CLTCL1: variants seen among roughly 807,000 people sequenced by gnomAD.
CLTCL1 encodes clathrin heavy chain like 1.
Under a neutral mutation model 190.0 loss-of-function variants are expected in CLTCL1, and 159 were observed. The observed-to-expected ratio is 0.84, with a 90% CI of 0.74 to 0.95. The LOEUF (loss-of-function observed/expected upper bound fraction) is 0.95, where lower values mean the gene tolerates loss of function less well. Ranked by LOEUF, CLTCL1 falls within the 40% of genes least tolerant of loss-of-function variation. The probability of loss-of-function intolerance (pLI) is 0.00; values close to 1 mark genes in which losing one functional copy is unlikely to be tolerated. For synonymous variants in CLTCL1, 752 were observed against 769.6 expected (o/e 0.98, Z 0.38); for missense variants, 1,878 against 2,033.4 (o/e 0.92, Z 1.47).
intron 21 of CLTCL1, 93 bp downstream of exon 21, chr22:19,208,829 C>T (rs965174322): frequency 2.3e-5 from 24 of 1,026,442 alleles, no homozygotes; most frequent in Middle Eastern, 3.2e-4. Flanking sequence ...ATACATCATA[C>T]GTAGAGATTT....
At chr22:19,196,799 T>C (rs994894562) in intron 24 of CLTCL1, 143 bp from the exon 25 acceptor site, 3 of 874,178 alleles carry the variant, frequency 3.4e-6, no homozygotes, top group Non-Finnish European at 5.2e-6. Context: ...CGTGTATACA[T>C]ACTGTGCTAC....
intron 19 of CLTCL1, among the ~76,000 whole-genome samples, chr22:19,213,064 G>A (rs1555947755): frequency 6.6e-6 from 1 of 152,024 alleles, no homozygotes; most frequent in African/African-American, 2.4e-5. Context: ...AAAATATATG[G>A]AAATCACATA....
Position 19,251,663 on chromosome 22 carries a change from A to G in CLTCL1, c.519+2296T>C, listed in dbSNP as rs1555970099. On this transcript the variant is annotated intron_variant, in intron 3 of 32. Coordinates refer to ENST00000427926, the MANE Select transcript of CLTCL1 (RefSeq NM_007098.4). The stretch of plus-strand genomic sequence containing the variant: ...AGTAGAGACGGGGTTTCACCGTGTT[A>G]GCCAGGATGGTCTCAATCTCCTGAC... 3.3e-5 allele frequency among the ~76,000 whole-genome samples: 5 copies of G among 152,006 alleles called. No individual in the cohort carries two copies. The South Asian group carries it at 8.3e-4, about 25-fold the overall frequency.
intron 1 of CLTCL1, among the ~76,000 whole-genome samples, chr22:19,278,196 A>T (rs1194688629): frequency 6.6e-6 from 1 of 152,088 alleles, no homozygotes; most frequent in East Asian, 1.9e-4. Context: ...TTATTTATGG[A>T]GGTTTTGTAA....
intron 22 of CLTCL1, chr22:19,207,427 TAGG>T (rs2085084688): frequency 2.5e-6 from 1 of 397,210 alleles, no homozygotes; most frequent in Non-Finnish European, 4.4e-6. Flanking sequence ...ACATCTCTTC[TAGG>T]AGAATTATTC....
intron 29 of CLTCL1, among the ~76,000 whole-genome samples, chr22:19,187,253 T>A (rs2084343797): frequency 6.6e-6 from 1 of 152,172 alleles, no homozygotes; most frequent in Non-Finnish European, 1.5e-5. Context: ...GAAGTGAATC[T>A]TGCCACACTG....
chr22:19,202,200 G>T (rs1555940051), intron 22 of CLTCL1, among the ~76,000 whole-genome samples: 1 of 151,972 alleles, frequency 6.6e-6, no homozygotes. Flanking sequence ...ATTCACTCTT[G>T]ACTCTCCTGA....
intron 3 of CLTCL1, among the ~76,000 whole-genome samples, chr22:19,246,366 T>C (rs782343024): frequency 9.2e-5 from 14 of 152,038 alleles, no homozygotes; most frequent in Non-Finnish European, 1.9e-4. Flanking sequence ...GGCCTTATGT[T>C]TAACTTTTTG....
chr22:19,248,403 C>T (rs1279806286), intron 3 of CLTCL1, among the ~76,000 whole-genome samples: 3 of 152,050 alleles, frequency 2.0e-5, no homozygotes, highest in Non-Finnish European at 4.4e-5. Flanking sequence ...CCAGTGTGGC[C>T]CAGGGGATCC....
intron 29 of CLTCL1, among the ~76,000 whole-genome samples, chr22:19,185,672 T>C (rs1264858163): frequency 6.6e-6 from 1 of 152,258 alleles, no homozygotes; most frequent in Non-Finnish European, 1.5e-5. Context: ...CTGGACTCTC[T>C]TCTGGGCCCA....
At chr22:19,235,037 T>A (rs183794769) in intron 6 of CLTCL1, among the ~76,000 whole-genome samples, 318 of 152,340 alleles carry the variant, frequency 2.1e-3, no homozygotes, top group African/African-American at 7.3e-3. Flanking sequence ...CTTTCTTTTT[T>A]AAAAAATATT....
intron 29 of CLTCL1, among the ~76,000 whole-genome samples, chr22:19,187,305 G>T (rs1166745975): frequency 2.0e-5 from 3 of 152,146 alleles, no homozygotes; most frequent in Non-Finnish European, 4.4e-5. Context: ...GCTGCGAAAA[G>T]AATCAACTCC....
At chr22:19,192,268 T>G (rs1201650211) in intron 26 of CLTCL1, among the ~76,000 whole-genome samples, 1 of 152,046 alleles carries the variant, frequency 6.6e-6, no homozygotes, top group Admixed American at 6.5e-5. Context: ...GGTTTCACCG[T>G]GTTAGCCAGG....
chr22:19,193,759 A>G (rs970612702), intron 26 of CLTCL1, among the ~76,000 whole-genome samples: 1 of 152,174 alleles, frequency 6.6e-6, no homozygotes, highest in Non-Finnish European at 1.5e-5. Flanking sequence ...TTGTGTCCAG[A>G]GTTTGTTCCT....
intron 2 of CLTCL1, among the ~76,000 whole-genome samples, chr22:19,255,760 A>G (rs1397399860): frequency 1.3e-5 from 2 of 148,412 alleles, no homozygotes; most frequent in African/African-American, 5.0e-5. Context: ...AAATACGAAA[A>G]TTAGCCGGGC....
chr22:19,268,285 T>C (rs1255026134), intron 2 of CLTCL1, among the ~76,000 whole-genome samples: 4 of 152,182 alleles, frequency 2.6e-5, no homozygotes, highest in Non-Finnish European at 5.9e-5. Context: ...CATCTTAATC[T>C]TGGACTTCCC....
rs1344346727 is a variant in CLTCL1 at position 19,239,344 on chromosome 22, A to G, written c.726T>C (p.Pro242=). ...ACACATCTACTGCTTTCTTTACAAA[A>G]GGTTGGTTTCCCGCTGCAGGCTGTC... The part of the protein sequence containing the change: ...EVGQPAAGNQ[P]FVKKAVDVFF... Residue 242 remains proline (P), a synonymous_variant, in exon 5 of 33, where the codon CCT becomes CCC. Transcript: ENST00000427926. 6.2e-7 allele frequency: 1 copy of G among 1,613,926 alleles called. No individual in the cohort carries two copies. The highest frequency in any genetic ancestry group is 8.5e-7 in the Non-Finnish European group (1 of 1,179,918).
At chr22:19,253,907 T>C (rs2086672239) in intron 3 of CLTCL1, 52 bp downstream of exon 3, 108 of 1,583,856 alleles carry the variant, frequency 6.8e-5, no homozygotes, top group Non-Finnish European at 9.1e-5. Context: ...CATTCTAATA[T>C]TGGGCTTTGA....
In CLTCL1 at chr22:19,224,063, A is replaced by G. The variant is rs2085661979; in HGVS notation, c.2129-9T>C. Reference sequence around the variant, plus strand: ...CAGGAAGTAGAAGAGGCCTATGAAGAGAGACCATTCCATTTTTGTCCTTGT... The same window carrying G: ...CAGGAAGTAGAAGAGGCCTATGAAGGGAGACCATTCCATTTTTGTCCTTGT... On this transcript the variant is annotated splice_polypyrimidine_tract_variant and intron_variant, in intron 13 of 32. Coordinates refer to ENST00000427926, the MANE Select transcript of CLTCL1 (RefSeq NM_007098.4). 1.9e-6 allele frequency: 3 copies of G among 1,613,804 alleles called. No homozygotes were observed. Among genetic ancestry groups the G allele is most frequent in the Non-Finnish European group, 2.5e-6 (3 of 1,179,794 alleles).
Sources: gnomAD v4.1 joint callset for allele counts (sites outside exome capture counted in the v4.1 genomes callset) on GRCh38, gnomAD v4.1.1 for gene constraint, MANE v1.5 for transcripts, NCBI Gene and HGNC (gene_info 2026-07-23, HGNC 2026-07-21) for gene names.